DIP2C: variants seen among roughly 807,000 people sequenced by gnomAD.
The protein encoded by DIP2C is disco-interacting protein 2 homolog C.
A neutral mutation model predicts 192.4 loss-of-function variants in DIP2C; 33 were observed. The ratio of observed to expected loss-of-function variants is 0.17; its 90% CI spans 0.13 to 0.23. The LOEUF (loss-of-function observed/expected upper bound fraction) is 0.23, where lower values mean the gene tolerates loss of function less well. Among genes scored for constraint, DIP2C ranks in the 10% least tolerant of loss-of-function variants. The probability of loss-of-function intolerance (pLI) is 1.00; values close to 1 mark genes in which losing one functional copy is unlikely to be tolerated. For missense variants in DIP2C, 1,537 were observed against 2,110.1 expected, an observed-to-expected ratio of 0.73 and a Z score of 5.32; for synonymous variants, 979 against 864.1, an observed-to-expected ratio of 1.13 and a Z score of -2.33.
intron 22 of DIP2C, among the ~76,000 whole-genome samples, chr10:360,271 C>T (rs2132707433): frequency 6.6e-6 from 1 of 152,312 alleles, no homozygotes; most frequent in East Asian, 1.9e-4. Context: ...CTCTCAAAGT[C>T]TGTTCTTGGC....
Position 514,673 on chromosome 10 carries a change from C to T in DIP2C, c.86-28143G>A, listed in dbSNP as rs368684233. Reference sequence around the variant, plus strand: ...CGACCCTCACCACTGCTGCCAACACCGTATTTCCTCATGGCTCCTGAGGGA... The same window carrying T: ...CGACCCTCACCACTGCTGCCAACACTGTATTTCCTCATGGCTCCTGAGGGA... On this transcript the variant is annotated intron_variant, in intron 1 of 36. Coordinates refer to ENST00000280886, the MANE Select transcript of DIP2C (RefSeq NM_014974.3). Among the ~76,000 whole-genome samples, 170 of 152,280 alleles carry T rather than the reference C, an allele frequency of 1.1e-3. 3 individuals carry two copies. The South Asian group carries it at 0.034, about 31-fold the overall frequency.
At chr10:381,312 G>C (rs1008749213) in intron 17 of DIP2C, among the ~76,000 whole-genome samples, 60 of 152,224 alleles carry the variant, frequency 3.9e-4, no homozygotes, top group African/African-American at 1.4e-3. Context: ...GTGATGGAGG[G>C]GCAGGGAGAA....
intron 1 of DIP2C, among the ~76,000 whole-genome samples, chr10:539,371 TAAC>T (rs929566213): frequency 3.1e-4 from 47 of 152,236 alleles, no homozygotes; most frequent in African/African-American, 1.1e-3. Flanking sequence ...CAATATAGTT[TAAC>T]AACTATTCAC....
chr10:445,185 A>C (rs1968058525), intron 3 of DIP2C, among the ~76,000 whole-genome samples: 1 of 152,230 alleles, frequency 6.6e-6, no homozygotes, highest in African/African-American at 2.4e-5. Context: ...GCATCTGTAT[A>C]CATCTGTTGT....
chr10:329,313 G>T, intron 30 of DIP2C, 120 bp downstream of exon 30: 1 of 1,127,804 alleles, frequency 8.9e-7, no homozygotes, highest in Non-Finnish European at 1.2e-6. Context: ...GGTGACGTTA[G>T]ATTAAACCCA....
At chr10:284,791 G>A (rs1198496018) in intron 34 of DIP2C, among the ~76,000 whole-genome samples, 4 of 152,302 alleles carry the variant, frequency 2.6e-5, no homozygotes, top group African/African-American at 9.6e-5. Context: ...GAACTCGGTC[G>A]TGGTAACTGT....
chr10:340,368 G>A (rs1267344161), intron 29 of DIP2C, among the ~76,000 whole-genome samples: 2 of 151,822 alleles, frequency 1.3e-5, no homozygotes, highest in African/African-American at 4.8e-5. Flanking sequence ...AAAAAGGGGG[G>A]AAAGCAGGCG....
At chr10:448,645 TG>T in intron 3 of DIP2C, among the ~76,000 whole-genome samples, 1 of 105,370 alleles carries the variant, frequency 9.5e-6, no homozygotes, top group Non-Finnish European at 1.7e-5. Flanking sequence ...TCACACACAG[TG>T]GGGCAAGCAG....
chr10:538,744 G>A (rs115627536), intron 1 of DIP2C, among the ~76,000 whole-genome samples: 1,964 of 152,192 alleles, frequency 0.013, 46 homozygotes, highest in African/African-American at 0.045. Context: ...TATTGAAAAC[G>A]TTTCTTTTTA....
At position 378,104 on chromosome 10, in the gene DIP2C, G is replaced by A. The variant is rs964621250; in HGVS notation, c.1991+4543C>T. 3.3e-5 allele frequency among the ~76,000 whole-genome samples: 5 copies of A among 152,162 alleles called. No individual in the cohort carries two copies. The East Asian group carries it at 7.7e-4, about 23-fold the overall frequency. On this transcript the variant is annotated intron_variant, in intron 17 of 36. Coordinates refer to ENST00000280886, the MANE Select transcript of DIP2C (RefSeq NM_014974.3). ...CCTTGCAATTTGTCCTTTAAAAAAT[G>A]TCTGATGAGTTTAGGCACCACAAGC...
chr10:529,662 C>A (rs955632442), intron 1 of DIP2C, among the ~76,000 whole-genome samples: 15 of 152,222 alleles, frequency 9.9e-5, no homozygotes, highest in Non-Finnish European at 2.1e-4. Context: ...GGCTCCGTTG[C>A]ATCTTTGTGA....
At chr10:297,693 T>C (rs1238988192) in intron 32 of DIP2C, among the ~76,000 whole-genome samples, 1 of 152,212 alleles carries the variant, frequency 6.6e-6, no homozygotes, top group Non-Finnish European at 1.5e-5. Context: ...GGGAGAGATT[T>C]GTTAAAGGAA....
intron 1 of DIP2C, among the ~76,000 whole-genome samples, chr10:536,065 T>C (rs1463749530): frequency 1.3e-5 from 2 of 152,174 alleles, no homozygotes; most frequent in African/African-American, 4.8e-5. Flanking sequence ...ACAATATAAA[T>C]TGATTCTCTC....
intron 4 of DIP2C, among the ~76,000 whole-genome samples, chr10:439,322 G>A (rs1006446292): frequency 1.3e-5 from 2 of 151,982 alleles, no homozygotes; most frequent in African/African-American, 2.4e-5. Context: ...CTAGCACGGC[G>A]TTCACTCCCT....
intron 1 of DIP2C, among the ~76,000 whole-genome samples, chr10:661,128 G>C (rs1316525558): frequency 6.6e-6 from 1 of 152,170 alleles, no homozygotes; most frequent in East Asian, 1.9e-4. Flanking sequence ...CACAGTGTTG[G>C]GAAAAGCACA....
chr10:418,985 A>G (rs1164613361), intron 6 of DIP2C, 80 bp downstream of exon 6: 26 of 1,581,652 alleles, frequency 1.6e-5, no homozygotes, highest in Admixed American at 5.2e-5. Flanking sequence ...AGGAAGAAAC[A>G]CATCCAGTCA....
At chr10:541,878 C>T (rs1848010373) in intron 1 of DIP2C, among the ~76,000 whole-genome samples, 1 of 152,178 alleles carries the variant, frequency 6.6e-6, no homozygotes, top group Non-Finnish European at 1.5e-5. Flanking sequence ...CTCTCGGCCC[C>T]CCTCACCTCA....
At chr10:582,359 C>T (rs765781300) in intron 1 of DIP2C, among the ~76,000 whole-genome samples, 5 of 152,314 alleles carry the variant, frequency 3.3e-5, no homozygotes, top group East Asian at 1.9e-4. Flanking sequence ...AAAAACCCAC[C>T]GTACACTTAA....
intron 1 of DIP2C, among the ~76,000 whole-genome samples, chr10:598,439 G>A (rs705483): frequency 0.79 from 120,451 of 152,272 alleles, 51,165 homozygotes; most frequent in East Asian, 0.95. Flanking sequence ...CCACAAAACC[G>A]ACATGCAATC....
Sources: gnomAD v4.1 joint callset for allele counts (sites outside exome capture counted in the v4.1 genomes callset) on GRCh38, gnomAD v4.1.1 for gene constraint, MANE v1.5 for transcripts, NCBI Gene and HGNC (gene_info 2026-07-23, HGNC 2026-07-21) for gene names.